The following RNF8 variants were observed in gnomAD, a reference collection of about 807,000 sequenced individuals.
RNF8 encodes ring finger protein 8.
A neutral mutation model predicts 59.3 loss-of-function variants in RNF8; 8 were observed. That is an observed-to-expected ratio of 0.13 (90% CI 0.08 to 0.24). The LOEUF is 0.24. Among genes scored for constraint, RNF8 ranks in the 10% least tolerant of loss-of-function variants. The probability of loss-of-function intolerance (pLI) is 1.00; values close to 1 mark genes in which losing one functional copy is unlikely to be tolerated. For synonymous variants in RNF8, 162 were observed against 200.0 expected (o/e 0.81, Z 1.60); for missense variants, 406 against 572.6 (o/e 0.71, Z 2.97).
At position 37,391,061 on chromosome 6, in the gene RNF8, T is replaced by G; in HGVS notation, c.*303T>G. 2 of 553,434 alleles carry G rather than the reference T, an allele frequency of 3.6e-6. No individual in the cohort carries two copies. Among genetic ancestry groups the G allele is most frequent in the Non-Finnish European group, 6.4e-6 (2 of 311,136 alleles). The allele number at this position is 553,434 out of a possible 1,614,324, so 34.3% of individuals were successfully genotyped here. A position where few individuals can be genotyped will look rare whatever the true frequency, so the allele number is the denominator to read the frequency against. On this transcript the variant is annotated 3_prime_UTR_variant, in exon 8 of 8. Transcript: ENST00000373479. ...TCTCTTCTGTTTTTTTTTAATTTGTTGTTGTTGTTACTGTTTTGATACCTC... is the reference window on the plus strand; with the variant it reads ...TCTCTTCTGTTTTTTTTTAATTTGTGGTTGTTGTTACTGTTTTGATACCTC...
At chr6:37,380,998 T>C in intron 6 of RNF8, 152 bp from the exon 7 acceptor site, 1 of 722,216 alleles carries the variant, frequency 1.4e-6, no homozygotes, top group Non-Finnish European at 2.4e-6. Flanking sequence ...CCAAGAATGA[T>C]TCTGATACTC....
In RNF8 at chr6:37,360,458, C is replaced by T; in HGVS notation, c.124C>T (p.Arg42Ter). 1.2e-6 allele frequency: 2 copies of T among 1,613,762 alleles called. No individual in the cohort carries two copies. The highest frequency in any genetic ancestry group is 1.7e-6 in the Non-Finnish European group (2 of 1,179,870). Residue 42 changes from arginine to a stop codon, truncating the protein, a stop_gained, in exon 2 of 8, where the codon CGA (arginine) becomes TGA (stop). Coordinates refer to ENST00000373479, the MANE Select transcript of RNF8 (RefSeq NM_003958.4). LOFTEE classifies it high-confidence loss of function. The surrounding 1 kb of genome is among the most constrained non-coding windows in gnomAD (Gnocchi z 4.2). Reference protein sequence around the residue: ...LEDGCEVTVGRGFGVTYQLVS... With the variant: ...LEDGCEVTVG ...TGTTGTCTCCCAGGTGACTGTAGGA[C>T]GAGGATTTGGTGTCACATACCAACT...
chr6:37,369,236 A>G lies in RNF8; in HGVS notation c.975+18A>G. 6.3e-7 allele frequency: 1 copy of G among 1,586,032 alleles called. No individual in the cohort carries two copies. Among genetic ancestry groups the G allele is most frequent in the Non-Finnish European group, 8.6e-7 (1 of 1,166,610 alleles). ...ATCTTCAGGTACCACACAGAAGGGA[A>G]GGGCAAGAGTGGTCTTCAGGGGTGG... On this transcript the variant is annotated intron_variant, in intron 3 of 7. Transcript: ENST00000373479.
At chr6:37,359,126 G>T in intron 1 of RNF8, 1 of 419,346 alleles carries the variant, frequency 2.4e-6, no homozygotes, top group Non-Finnish European at 4.6e-6. Flanking sequence ...AAACAAAAAA[G>T]AATAAGGGAA....
chr6:37,386,437 C>G (rs888684257), intron 7 of RNF8, among the ~76,000 whole-genome samples: 1 of 152,112 alleles, frequency 6.6e-6, no homozygotes, highest in Admixed American at 6.5e-5. Flanking sequence ...TGCAGGCACC[C>G]GGAAAAGTTT....
At chr6:37,387,101 T>A (rs548094806) in intron 7 of RNF8, among the ~76,000 whole-genome samples, 1 of 152,310 alleles carries the variant, frequency 6.6e-6, no homozygotes, top group African/African-American at 2.4e-5. Flanking sequence ...CAAGCTCAAA[T>A]AAGTTGATAT....
At chr6:37,378,793 T>G (rs1770130597) in intron 6 of RNF8, among the ~76,000 whole-genome samples, 1 of 152,076 alleles carries the variant, frequency 6.6e-6, no homozygotes, top group Non-Finnish European at 1.5e-5. Context: ...TTCTCTACTT[T>G]GGAGAAGTTC....
chr6:37,383,444 T>C (rs565948027), intron 7 of RNF8, among the ~76,000 whole-genome samples: 4 of 152,330 alleles, frequency 2.6e-5, no homozygotes, highest in South Asian at 2.1e-4. Flanking sequence ...GAAACTAGGA[T>C]TGGCAAGCCT....
intron 2 of RNF8, among the ~76,000 whole-genome samples, chr6:37,368,145 G>A (rs1769642603): frequency 6.6e-6 from 1 of 152,114 alleles, no homozygotes; most frequent in Non-Finnish European, 1.5e-5. Flanking sequence ...CTAGTTTTGG[G>A]ACATTGCTCC....
At chr6:37,363,070 C>G (rs149586020) in intron 2 of RNF8, among the ~76,000 whole-genome samples, 76 of 152,188 alleles carry the variant, frequency 5.0e-4, no homozygotes, top group Non-Finnish European at 1.1e-3. Context: ...CTTACTTGAG[C>G]CTTTCCCATT....
rs1562090986 is a variant in RNF8 at position 37,371,585 on chromosome 6, C to T, written c.1038+11C>T. On this transcript the variant is annotated intron_variant, in intron 4 of 7. Coordinates refer to ENST00000373479, the MANE Select transcript of RNF8 (RefSeq NM_003958.4). ...CAGGCTCTGCAGGAGGTAACTTTGC[C>T]ATAGTACTAAGATTATAGTGGGCTG... The T allele has an allele frequency of 2.5e-6, 4 of 1,611,606 alleles. No individual in the cohort carries two copies. The highest frequency in any genetic ancestry group is 2.2e-5 in the South Asian group (2 of 91,020).
At chr6:37,382,603 C>CA (rs1770320363) in intron 7 of RNF8, among the ~76,000 whole-genome samples, 1 of 152,104 alleles carries the variant, frequency 6.6e-6, no homozygotes, top group South Asian at 2.1e-4. Flanking sequence ...GACCTAGGGA[C>CA]ACCCATGGGC....
chr6:37,389,369 A>G (rs539000478), intron 7 of RNF8, among the ~76,000 whole-genome samples: 19 of 151,968 alleles, frequency 1.3e-4, no homozygotes, highest in African/African-American at 4.1e-4. Context: ...GGGAGTGAGT[A>G]TGAGGTGAGG....
chr6:37,392,790 A>G lies in RNF8; in HGVS notation c.*2032A>G. The stretch of plus-strand genomic sequence containing the variant: ...AACACCCTTGTACATATATCTTTAG[A>G]GAGAAGATATTTTAAAAAGAAATAC... On this transcript the variant is annotated 3_prime_UTR_variant, in exon 8 of 8. Coordinates refer to ENST00000373479, the MANE Select transcript of RNF8 (RefSeq NM_003958.4). The G allele has an allele frequency of 2.5e-6, 1 of 397,810 alleles. No individual in the cohort carries two copies. The highest frequency in any genetic ancestry group is 4.4e-6 in the Non-Finnish European group (1 of 225,906). The allele number at this position is 397,810 out of a possible 1,614,324, so 24.6% of individuals were successfully genotyped here. A position where few individuals can be genotyped will look rare whatever the true frequency, so the allele number is the denominator to read the frequency against.
Position 37,360,422 on chromosome 6 carries a change from T to G in RNF8, c.112-24T>G, listed in dbSNP as rs1279893799. Reference sequence around the variant, plus strand: ...TTTCAGCACAATGACTGATGGTATTTCTTGCATTGTTGTTGTCTCCCAGGT... The same window carrying G: ...TTTCAGCACAATGACTGATGGTATTGCTTGCATTGTTGTTGTCTCCCAGGT... On this transcript the variant is annotated intron_variant, in intron 1 of 7. Transcript: ENST00000373479. This position sits in a 1 kb window ranked among gnomAD's most constrained non-coding sequence, Gnocchi z 4.2. 1.2e-6 allele frequency: 2 copies of G among 1,600,630 alleles called. No homozygotes were observed. The highest frequency in any genetic ancestry group is 1.7e-6 in the Non-Finnish European group (2 of 1,179,340).
intron 1 of RNF8, chr6:37,359,315 CT>C: frequency 2.0e-5 from 8 of 393,738 alleles, no homozygotes; most frequent in South Asian, 1.5e-4. Context: ...AATGCAAAGA[CT>C]TTTGGTTGAA....
intron 4 of RNF8, among the ~76,000 whole-genome samples, chr6:37,371,961 C>T (rs1462733130): frequency 1.3e-5 from 2 of 152,154 alleles, no homozygotes; most frequent in African/African-American, 4.8e-5. Flanking sequence ...TGAGCTGTAG[C>T]CAACCAGAAA....
In RNF8 at chr6:37,391,043, T is replaced by A. The variant is rs1384750738; in HGVS notation, c.*285T>A. 1 of 564,880 alleles carries A rather than the reference T, an allele frequency of 1.8e-6. No individual in the cohort carries two copies. The highest frequency in any genetic ancestry group is 3.1e-6 in the Non-Finnish European group (1 of 317,826). 35.0% of individuals were successfully genotyped at this position (564,880 alleles called of 1,614,324 possible). ...CGAAAGAGTTATTTGAGTTCTCTTC[T>A]GTTTTTTTTTAATTTGTTGTTGTTG... On this transcript the variant is annotated 3_prime_UTR_variant, in exon 8 of 8. Transcript: ENST00000373479.
At chr6:37,377,335 C>T (rs1341175538) in intron 6 of RNF8, among the ~76,000 whole-genome samples, 1 of 152,094 alleles carries the variant, frequency 6.6e-6, no homozygotes, top group African/African-American at 2.4e-5. Flanking sequence ...CCTCAGCCTC[C>T]CAAAGTGCTG....
Sources: gnomAD v4.1 joint callset for allele counts (sites outside exome capture counted in the v4.1 genomes callset) on GRCh38, gnomAD v4.1.1 for gene constraint, Gnocchi (gnomAD v3.1) non-coding constraint, MANE v1.5 for transcripts, NCBI Gene and HGNC (gene_info 2026-07-23, HGNC 2026-07-21) for gene names.